Variants in GK observed in about 807,000 individuals in gnomAD.
The protein encoded by GK is glycerol kinase, also known as ATP:glycerol 3-phosphotransferase.
Under a neutral mutation model 56.4 loss-of-function variants are expected in GK, and 9 were observed. That is an observed-to-expected ratio of 0.16 (90% CI 0.10 to 0.28). The LOEUF (loss-of-function observed/expected upper bound fraction) is 0.28. Among genes scored for constraint, GK ranks in the 10% least tolerant of loss-of-function variants. GK has a pLI of 1.00. For missense variants in GK, 161 were observed against 431.4 expected (o/e 0.37, Z 5.55); for synonymous variants, 104 against 144.1 (o/e 0.72, Z 1.99).
chrX:30,685,276 C>T (rs752771558), intron 4 of GK, among the ~76,000 whole-genome samples: 2 of 110,859 alleles, frequency 1.8e-5, no homozygotes, highest in Admixed American at 9.5e-5. Context: ...GGACTACAGG[C>T]GCCTGCCACC....
At chrX:30,681,469 G>C (rs1004094284) in intron 4 of GK, among the ~76,000 whole-genome samples, 8 of 111,963 alleles carry the variant, frequency 7.1e-5, no homozygotes, top group African/African-American at 2.6e-4. Flanking sequence ...AGAAATATGG[G>C]AAAAGGTGAA....
At chrX:30,699,368 CTT>C (rs34129824) in intron 9 of GK, among the ~76,000 whole-genome samples, 2 of 79,893 alleles carry the variant, frequency 2.5e-5, no homozygotes, top group Admixed American at 1.5e-4. Context: ...TACACACACA[CTT>C]TTTTTTTTTT....
chrX:30,687,470 A>T (rs746813743), intron 4 of GK: 1 of 340,921 alleles, frequency 2.9e-6, no homozygotes, highest in Admixed American at 3.1e-5. Context: ...TAAATGGTCA[A>T]CAAGAGACCT....
At chrX:30,707,726 G>T in intron 12 of GK, 128 bp downstream of exon 12, 2 of 464,131 alleles carry the variant, frequency 4.3e-6, no homozygotes. Context: ...GTTTAATTTA[G>T]AGCTCAATAC....
At chrX:30,708,970 A>G (rs185280048) in intron 13 of GK, among the ~76,000 whole-genome samples, 88 of 111,095 alleles carry the variant, frequency 7.9e-4, no homozygotes, top group Non-Finnish European at 1.6e-3. Context: ...GTTTATTTCT[A>G]TTTTTCTCCC....
chrX:30,720,453 G>C (rs1460835927), intron 16 of GK, among the ~76,000 whole-genome samples, 168 bp from the exon 17 acceptor site: 1 of 111,807 alleles, frequency 8.9e-6, no homozygotes. Flanking sequence ...TGAGAGAAAA[G>C]GTTGGCTGTG....
intron 5 of GK, among the ~76,000 whole-genome samples, chrX:30,692,301 C>G (rs1410103961): frequency 9.0e-6 from 1 of 110,975 alleles, no homozygotes; most frequent in Non-Finnish European, 1.9e-5. Context: ...CACTCTGCTT[C>G]GAGGGATGCA....
intron 18 of GK, among the ~76,000 whole-genome samples, chrX:30,722,220 A>C (rs1437628350): frequency 8.9e-6 from 1 of 112,756 alleles, no homozygotes; most frequent in Non-Finnish European, 1.9e-5. Context: ...ATGAATTATA[A>C]TACTAGTAAT....
intron 20 of GK, among the ~76,000 whole-genome samples, chrX:30,727,847 C>T (rs1450591601): frequency 9.0e-6 from 1 of 111,578 alleles, no homozygotes; most frequent in Non-Finnish European, 1.9e-5. Flanking sequence ...AATGAAAGGA[C>T]TTTCAGACTG....
chrX:30,714,122 A>G (rs1936491516), intron 13 of GK, among the ~76,000 whole-genome samples: 1 of 111,512 alleles, frequency 9.0e-6, no homozygotes, highest in African/African-American at 3.3e-5. Flanking sequence ...TTTCTTTGTT[A>G]TGGTTTAACG....
At chrX:30,714,696 C>T (rs760085643) in intron 13 of GK, among the ~76,000 whole-genome samples, 3 of 112,084 alleles carry the variant, frequency 2.7e-5, no homozygotes, top group African/African-American at 9.7e-5. Context: ...TCACAGATAT[C>T]ACCACGCTCA....
At chrX:30,708,199 TTTTC>T in intron 13 of GK, 65 bp downstream of exon 13, 1 of 613,143 alleles carries the variant, frequency 1.6e-6, no homozygotes, top group Non-Finnish European at 2.7e-6. Context: ...AATTACAGTG[TTTTC>T]TAACACTTTT....
chrX:30,660,891 C>A, intron 1 of GK, among the ~76,000 whole-genome samples: 1 of 104,606 alleles, frequency 9.6e-6, no homozygotes, highest in South Asian at 4.5e-4. Flanking sequence ...CGGCTCACTG[C>A]ACCCTCCGCC....
At chrX:30,656,169 C>T (rs1047599083) in intron 1 of GK, among the ~76,000 whole-genome samples, 1 of 111,633 alleles carries the variant, frequency 9.0e-6, no homozygotes, top group African/African-American at 3.3e-5. Context: ...CTGCAAAATG[C>T]AGATAAAAGA....
At chrX:30,712,395 T>A in intron 13 of GK, among the ~76,000 whole-genome samples, 1 of 111,763 alleles carries the variant, frequency 8.9e-6, no homozygotes, top group South Asian at 3.7e-4. Context: ...TGTGTCAAGT[T>A]ACACTCCTAC....
At chrX:30,666,197 G>A in intron 2 of GK, among the ~76,000 whole-genome samples, 1 of 111,692 alleles carries the variant, frequency 9.0e-6, no homozygotes, top group Non-Finnish European at 1.9e-5. Context: ...GCACATGAAT[G>A]TTTATAGCTA....
chrX:30,704,990 A>G (rs747782611), intron 11 of GK, among the ~76,000 whole-genome samples: 4 of 112,522 alleles, frequency 3.6e-5, no homozygotes, highest in Admixed American at 9.4e-5. Flanking sequence ...CAAAAATACA[A>G]CCATCCAGGA....
intron 3 of GK, 46 bp downstream of exon 3, chrX:30,668,164 C>G: frequency 1.5e-6 from 1 of 688,120 alleles, no homozygotes; most frequent in African/African-American, 2.1e-5. Context: ...CTCTCTCAAT[C>G]AAATTCATTA....
At position 30,716,921 on chromosome X, in the gene GK, A is replaced by G. The variant is rs757415796; in HGVS notation, c.976-1617A>G. ...CCTCAAATACTTCCTGTGGTTAAAAAGCCATTTTATATATGTAATGATACA... is the reference window on the plus strand; with the variant it reads ...CCTCAAATACTTCCTGTGGTTAAAAGGCCATTTTATATATGTAATGATACA... On this transcript the variant is annotated intron_variant, in intron 13 of 20. Transcript: ENST00000427190. Among the ~76,000 whole-genome samples the G allele has an allele frequency of 3.6e-5, 4 of 112,323 alleles. No homozygotes were observed. In the South Asian group the frequency reaches 1.4e-3, roughly 40 times the overall value.
Sources: gnomAD v4.1 joint callset for allele counts (sites outside exome capture counted in the v4.1 genomes callset) on GRCh38, gnomAD v4.1.1 for gene constraint, MANE v1.5 for transcripts, NCBI Gene and HGNC (gene_info 2026-07-23, HGNC 2026-07-21) for gene names.